ZNF148: variants seen among roughly 807,000 people sequenced by gnomAD.
ZNF148 encodes zinc finger protein 148, also known as Beta-Enolase Repressor Factor-1.
A neutral mutation model predicts 67.7 loss-of-function variants in ZNF148; 7 were observed. The observed-to-expected ratio is 0.10, with a 90% CI of 0.06 to 0.19. The LOEUF is 0.19. Among genes scored for constraint, ZNF148 ranks in the 10% least tolerant of loss-of-function variants. The probability of loss-of-function intolerance (pLI) is 1.00; values close to 1 mark genes in which losing one functional copy is unlikely to be tolerated. For synonymous variants in ZNF148, 333 were observed against 330.7 expected (o/e 1.01, Z -0.08); for missense variants, 583 against 947.1 (o/e 0.62, Z 5.05).
rs79747336 is a variant in ZNF148 at position 125,265,540 on chromosome 3, A to G, written c.667+12186T>C. Reference sequence around the variant, plus strand: ...AAAACAAAATGTCTGCAGAACAGGTAGAGCACAACAAGATTTTTCTATTGG... The same window carrying G: ...AAAACAAAATGTCTGCAGAACAGGTGGAGCACAACAAGATTTTTCTATTGG... On this transcript the variant is annotated intron_variant, in intron 7 of 8. Coordinates refer to ENST00000360647, the MANE Select transcript of ZNF148 (RefSeq NM_021964.3). Among the ~76,000 whole-genome samples the G allele has an allele frequency of 5.4e-3, 821 of 152,354 alleles. 6 individuals carry two copies. Among genetic ancestry groups the G allele is most frequent in the African/African-American group, 0.019 (774 of 41,586 alleles).
At chr3:125,283,417 TAGAAAAA>T (rs1452612513) in intron 5 of ZNF148, among the ~76,000 whole-genome samples, 17 of 152,252 alleles carry the variant, frequency 1.1e-4, no homozygotes, top group African/African-American at 3.8e-4. Context: ...CCCTGGGTTT[TAGAAAAA>T]GGCTGTTTCT....
intron 7 of ZNF148, among the ~76,000 whole-genome samples, chr3:125,261,816 G>A (rs527830822): frequency 8.2e-4 from 104 of 127,256 alleles, no homozygotes; most frequent in Non-Finnish European, 1.5e-4. Context: ...ACCTGACAGG[G>A]GTTGACAAGT....
rs114345873 is a variant in ZNF148 at position 125,308,844 on chromosome 3, C to T, written c.333+4464G>A. Among the ~76,000 whole-genome samples, 724 of 152,236 alleles carry T rather than the reference C, an allele frequency of 4.8e-3. 5 individuals carry two copies. Among genetic ancestry groups the T allele is most frequent in the African/African-American group, 0.017 (692 of 41,540 alleles). On this transcript the variant is annotated intron_variant, in intron 4 of 8. Transcript: ENST00000360647. ...TAGTAATTGAAAGCAAGAGACAACA[C>T]AAGTAACCACAAAAAGGAGGATGAA... is the stretch of plus-strand genomic sequence containing the variant.
intron 7 of ZNF148, among the ~76,000 whole-genome samples, chr3:125,236,539 G>T (rs1019685534): frequency 6.6e-6 from 1 of 152,094 alleles, no homozygotes; most frequent in Non-Finnish European, 1.5e-5. Flanking sequence ...TGTTGGGGGT[G>T]GGGAGGGAAA....
chr3:125,350,499 C>G (rs1354059016), intron 1 of ZNF148, among the ~76,000 whole-genome samples: 1 of 152,218 alleles, frequency 6.6e-6, no homozygotes, highest in Non-Finnish European at 1.5e-5. Flanking sequence ...CTCATGTTAA[C>G]TACAGCAGTA....
chr3:125,276,339 CT>C (rs1252255735), intron 7 of ZNF148, among the ~76,000 whole-genome samples: 12 of 152,056 alleles, frequency 7.9e-5, no homozygotes, highest in Non-Finnish European at 1.8e-4. Context: ...AAAACTGAAA[CT>C]AGTAATGTGC....
chr3:125,247,790 A>T (rs1936665474), intron 7 of ZNF148, among the ~76,000 whole-genome samples: 1 of 152,170 alleles, frequency 6.6e-6, no homozygotes, highest in Non-Finnish European at 1.5e-5. Flanking sequence ...CTTCCACTTT[A>T]TGAGGGAGCC....
At chr3:125,371,008 C>T (rs1162031538) in intron 1 of ZNF148, among the ~76,000 whole-genome samples, 2 of 152,070 alleles carry the variant, frequency 1.3e-5, no homozygotes, top group African/African-American at 4.8e-5. Flanking sequence ...CTACTACATC[C>T]CCCCAAAAAA....
At chr3:125,330,913 A>T (rs1490361284) in intron 2 of ZNF148, among the ~76,000 whole-genome samples, 1 of 152,206 alleles carries the variant, frequency 6.6e-6, no homozygotes, top group Non-Finnish European at 1.5e-5. Flanking sequence ...AAGTAATCTT[A>T]AGAGAAGATA....
intron 1 of ZNF148, among the ~76,000 whole-genome samples, chr3:125,337,171 T>G (rs1305193362): frequency 6.6e-6 from 1 of 151,730 alleles, no homozygotes; most frequent in Non-Finnish European, 1.5e-5. Context: ...CAAGTGAAAA[T>G]TTTCACCTAC....
intron 7 of ZNF148, among the ~76,000 whole-genome samples, chr3:125,272,319 C>T (rs1579673242): frequency 6.6e-6 from 1 of 152,204 alleles, no homozygotes; most frequent in Non-Finnish European, 1.5e-5. Context: ...AATGAGACCA[C>T]TTCAACCAAG....
Position 125,226,696 on chromosome 3 carries a change from T to C in ZNF148, c.*5645A>G, listed in dbSNP as rs940444744. The stretch of plus-strand genomic sequence containing the variant: ...GCATAATATAGGGTCAAGCAAGATT[T>C]TGTTTTTACAATGACAATTAAAACA... On this transcript the variant is annotated 3_prime_UTR_variant, in exon 9 of 9. Transcript: ENST00000360647. 2.0e-5 allele frequency: 3 copies of C among 150,822 alleles called. No individual in the cohort carries two copies. Among genetic ancestry groups the C allele is most frequent in the African/African-American group, 7.4e-5 (3 of 40,690 alleles). 9.3% of individuals were successfully genotyped at this position (150,822 alleles called of 1,614,324 possible). A position where few individuals can be genotyped will look rare whatever the true frequency, so the allele number is the denominator to read the frequency against.
chr3:125,248,649 G>T (rs971205595), intron 7 of ZNF148, among the ~76,000 whole-genome samples: 7 of 152,124 alleles, frequency 4.6e-5, no homozygotes, highest in African/African-American at 1.7e-4. Flanking sequence ...ACAATAAAAT[G>T]ATTTGCTTTT....
At chr3:125,313,210 G>T in intron 4 of ZNF148, 98 bp downstream of exon 4, 2 of 941,160 alleles carry the variant, frequency 2.1e-6, no homozygotes, top group Non-Finnish European at 3.1e-6. Context: ...ACACTATTTA[G>T]CCCTGAAACA....
intron 7 of ZNF148, among the ~76,000 whole-genome samples, chr3:125,249,113 G>A: frequency 6.6e-6 from 1 of 152,098 alleles, no homozygotes; most frequent in East Asian, 1.9e-4. Context: ...CCTTGACATG[G>A]GTCTTGGTAA....
intron 4 of ZNF148, among the ~76,000 whole-genome samples, chr3:125,295,030 A>T (rs1033311879): frequency 5.3e-5 from 8 of 152,246 alleles, no homozygotes; most frequent in African/African-American, 1.9e-4. Context: ...AAACTTATTT[A>T]AAAATGCTTT....
chr3:125,298,388 T>G (rs939758682), intron 4 of ZNF148, among the ~76,000 whole-genome samples: 1 of 87,198 alleles, frequency 1.1e-5, no homozygotes, highest in African/African-American at 4.9e-5. Flanking sequence ...CCTTTCCAAT[T>G]ATTTCATTCA....
intron 2 of ZNF148, among the ~76,000 whole-genome samples, chr3:125,327,536 C>T (rs1259208244): frequency 1.3e-5 from 2 of 152,196 alleles, no homozygotes; most frequent in Non-Finnish European, 2.9e-5. Context: ...AATATGTTGT[C>T]TGAGCCGCAC....
chr3:125,238,431 C>T lies in ZNF148; in HGVS notation c.668-4102G>A, dbSNP rs185742327. Among the ~76,000 whole-genome samples the T allele has an allele frequency of 8.5e-5, 13 of 152,090 alleles. No individual in the cohort carries two copies. In the East Asian group the frequency reaches 2.3e-3, roughly 27 times the overall value. On this transcript the variant is annotated intron_variant, in intron 7 of 8. Transcript: ENST00000360647. ...TCACTTGAGGTCAGGAGTTCAAGAC[C>T]GGTCTGGCCAACATGGTGAAACCCT...
Sources: allele counts gnomAD v4.1 joint callset (sites outside exome capture counted in the v4.1 genomes callset), GRCh38; gene constraint gnomAD v4.1.1; transcripts MANE v1.5; gene names NCBI Gene and HGNC (gene_info 2026-07-23, HGNC 2026-07-21).